Variants in FGF14 observed in about 807,000 individuals in gnomAD.
FGF14 encodes fibroblast growth factor 14.
In FGF14, 5 loss-of-function variants were observed where a neutral mutation model predicts 25.5. The observed-to-expected ratio is 0.20, with a 90% CI of 0.10 to 0.41. FGF14 has a LOEUF of 0.41. Among genes scored for constraint, FGF14 ranks in the 10% least tolerant of loss-of-function variants. FGF14 has a pLI of 1.00. For synonymous variants in FGF14, 138 were observed against 118.3 expected (o/e 1.17, Z -1.08); for missense variants, 222 against 320.1 (o/e 0.69, Z 2.34).
chr13:101,897,959 G>A (rs1566397894), intron 1 of FGF14, among the ~76,000 whole-genome samples: 1 of 151,986 alleles, frequency 6.6e-6, no homozygotes, highest in Non-Finnish European at 1.5e-5. Context: ...CAGTGGTGCA[G>A]TCTCGGCTTA....
intron 1 of FGF14, among the ~76,000 whole-genome samples, chr13:102,056,259 T>C (rs531785034): frequency 2.1e-4 from 32 of 152,328 alleles, no homozygotes; most frequent in Admixed American, 1.8e-3. Flanking sequence ...TTGCCAGCCA[T>C]TGACACAGCC....
intron 1 of FGF14, among the ~76,000 whole-genome samples, chr13:102,221,300 C>G (rs1262048524): frequency 6.6e-6 from 1 of 151,932 alleles, no homozygotes. Context: ...TTTGAAGCCA[C>G]AGTTATCTAA....
intron 1 of FGF14, among the ~76,000 whole-genome samples, chr13:101,982,583 A>T (rs2038332982): frequency 6.6e-6 from 1 of 152,170 alleles, no homozygotes; most frequent in South Asian, 2.1e-4. Flanking sequence ...GATCACAACA[A>T]TTCATCTGTT....
intron 1 of FGF14, among the ~76,000 whole-genome samples, chr13:102,050,083 T>C (rs1191488681): frequency 3.3e-5 from 5 of 152,318 alleles, no homozygotes; most frequent in Middle Eastern, 6.8e-3. Context: ...TTCCATTTCT[T>C]AGTTATAAAA....
At chr13:102,083,496 G>A in intron 1 of FGF14, among the ~76,000 whole-genome samples, 1 of 152,090 alleles carries the variant, frequency 6.6e-6, no homozygotes, top group East Asian at 1.9e-4. Flanking sequence ...TTAAATGACA[G>A]ATAGTAGACC....
At chr13:101,814,127 C>T (rs1225567413) in intron 3 of FGF14, among the ~76,000 whole-genome samples, 1 of 152,142 alleles carries the variant, frequency 6.6e-6, no homozygotes, top group Non-Finnish European at 1.5e-5. Flanking sequence ...CTACAAAAAG[C>T]ATGGTTTCCA....
At chr13:101,819,096 G>A (rs1354668432) in intron 3 of FGF14, among the ~76,000 whole-genome samples, 1 of 152,112 alleles carries the variant, frequency 6.6e-6, no homozygotes, top group African/African-American at 2.4e-5. Flanking sequence ...GTCAATCATT[G>A]TAACAAGCTT....
intron 1 of FGF14, among the ~76,000 whole-genome samples, chr13:102,061,532 A>T (rs1223979055): frequency 6.6e-6 from 1 of 152,276 alleles, no homozygotes; most frequent in Non-Finnish European, 1.5e-5. Flanking sequence ...TTTATAGACA[A>T]ATAATGTTAT....
At chr13:101,896,543 G>T (rs1363317383) in intron 1 of FGF14, among the ~76,000 whole-genome samples, 1 of 152,136 alleles carries the variant, frequency 6.6e-6, no homozygotes, top group Non-Finnish European at 1.5e-5. Context: ...GCAGCAAAAG[G>T]CTCCAAAAAG....
At chr13:101,797,056 A>G (rs1272412628) in intron 3 of FGF14, among the ~76,000 whole-genome samples, 1 of 152,120 alleles carries the variant, frequency 6.6e-6, no homozygotes, top group African/African-American at 2.4e-5. Flanking sequence ...AGCTTGGGAA[A>G]TATTCTCGCA....
chr13:102,013,984 T>C (rs1015275275), intron 1 of FGF14, among the ~76,000 whole-genome samples: 1 of 152,164 alleles, frequency 6.6e-6, no homozygotes, highest in Admixed American at 6.5e-5. Context: ...ATATGTCAGG[T>C]ACTTTTAATG....
chr13:101,842,659 A>G (rs916530859), intron 3 of FGF14, among the ~76,000 whole-genome samples: 2 of 151,984 alleles, frequency 1.3e-5, no homozygotes, highest in African/African-American at 4.8e-5. Flanking sequence ...GAAAGAAGAC[A>G]GTTGAGGAGA....
At chr13:102,260,831 T>C (rs2052683019) in intron 1 of FGF14, among the ~76,000 whole-genome samples, 1 of 152,218 alleles carries the variant, frequency 6.6e-6, no homozygotes, top group African/African-American at 2.4e-5. Context: ...TAAAGTGTTC[T>C]TCCTTGCCCT....
intron 3 of FGF14, among the ~76,000 whole-genome samples, chr13:101,773,731 T>G (rs1427625907): frequency 6.6e-6 from 1 of 151,540 alleles, no homozygotes; most frequent in African/African-American, 2.4e-5. Context: ...TGAATCCAAG[T>G]GCAGTGTCTG....
intron 1 of FGF14, among the ~76,000 whole-genome samples, chr13:102,052,455 G>A (rs186303782): frequency 6.6e-6 from 1 of 151,550 alleles, no homozygotes; most frequent in African/African-American, 2.4e-5. Flanking sequence ...TTCAAAAATT[G>A]GATTTCTGAA....
chr13:102,178,326 T>A (rs1313927448), intron 1 of FGF14, among the ~76,000 whole-genome samples: 1 of 152,158 alleles, frequency 6.6e-6, no homozygotes, highest in African/African-American at 2.4e-5. Flanking sequence ...TTTGCTGACT[T>A]AGGTCACCAG....
In FGF14 at chr13:102,160,060, G is replaced by A. The variant is rs538012538; in HGVS notation, c.208+241411C>T. On this transcript the variant is annotated intron_variant, in intron 1 of 4. Transcript: ENST00000376131. ...ATTCAAGGCTGTCTCCTCTCTGCAC[G>A]GAATGCTCTGCCCTGGCACACCTTC... Among the ~76,000 whole-genome samples the A allele has an allele frequency of 3.3e-5, 5 of 152,218 alleles. No homozygotes were observed. In the South Asian group the frequency reaches 6.2e-4, roughly 19 times the overall value.
intron 1 of FGF14, among the ~76,000 whole-genome samples, chr13:101,964,565 T>C (rs546714655): frequency 2.2e-4 from 34 of 152,208 alleles, no homozygotes; most frequent in African/African-American, 7.0e-4. Flanking sequence ...AGAAATATGA[T>C]GATATAAGCC....
chr13:102,020,668 G>C (rs550409113), intron 1 of FGF14, among the ~76,000 whole-genome samples: 1 of 152,192 alleles, frequency 6.6e-6, no homozygotes, highest in South Asian at 2.1e-4. Context: ...TTTGGGTAGT[G>C]CTAAGAGTAC....
Sources: gnomAD v4.1 joint callset for allele counts (sites outside exome capture counted in the v4.1 genomes callset) on GRCh38, gnomAD v4.1.1 for gene constraint, MANE v1.5 for transcripts, NCBI Gene and HGNC (gene_info 2026-07-23, HGNC 2026-07-21) for gene names.